The following UNC5D variants were observed in gnomAD, a reference collection of about 807,000 sequenced individuals.
UNC5D encodes netrin receptor UNC5D.
UNC5D carries 39 observed loss-of-function variants against 105.4 expected under a neutral mutation model. That is an observed-to-expected ratio of 0.37 (90% CI 0.29 to 0.48). The LOEUF (loss-of-function observed/expected upper bound fraction) is 0.48, where lower values mean the gene tolerates loss of function less well. UNC5D is among the 20% of genes least tolerant of loss of function. The probability of loss-of-function intolerance (pLI) is 0.98; values close to 1 mark genes in which losing one functional copy is unlikely to be tolerated. For missense variants in UNC5D, 991 were observed against 1,202.4 expected (o/e 0.82, Z 2.60); for synonymous variants, 452 against 450.4 (o/e 1.00, Z -0.04).
chr8:35,538,103 TAACC>T (rs1230603855), intron 1 of UNC5D, among the ~76,000 whole-genome samples: 1 of 152,016 alleles, frequency 6.6e-6, no homozygotes, highest in African/African-American at 2.4e-5. Context: ...AAGAGGAATG[TAACC>T]AACCTAGGAT....
At chr8:35,591,697 C>T (rs1487931221) in intron 3 of UNC5D, among the ~76,000 whole-genome samples, 1 of 152,008 alleles carries the variant, frequency 6.6e-6, no homozygotes, top group East Asian at 1.9e-4. Flanking sequence ...ATTTACTCAC[C>T]AGGTATTTAT....
intron 12 of UNC5D, 26 bp from the exon 13 acceptor site, chr8:35,750,556 G>C (rs372202353): frequency 1.2e-6 from 2 of 1,605,236 alleles, no homozygotes; most frequent in African/African-American, 2.7e-5. Context: ...TTCCAAGTGA[G>C]AGAATAAACA....
intron 4 of UNC5D, among the ~76,000 whole-genome samples, chr8:35,655,010 C>T (rs1010296959): frequency 3.3e-5 from 5 of 152,104 alleles, no homozygotes; most frequent in South Asian, 4.1e-4. Flanking sequence ...TGTACTAGGA[C>T]ATTGAACAGA....
intron 1 of UNC5D, among the ~76,000 whole-genome samples, chr8:35,328,532 CTTCTA>C (rs1810352572): frequency 6.6e-6 from 1 of 152,088 alleles, no homozygotes; most frequent in African/African-American, 2.4e-5. Context: ...CTCTTTTTGT[CTTCTA>C]ACTGTAATAA....
Position 35,773,094 on chromosome 8 carries a change from T to G in UNC5D, c.2479-1205T>G, listed in dbSNP as rs189523938. On this transcript the variant is annotated intron_variant, in intron 15 of 16. Transcript: ENST00000404895. ...TCTCTTAATTGAGTCAGTCAATTGA[T>G]TAGGGACATTAATTACATCAGCAGA... is the stretch of plus-strand genomic sequence containing the variant. Among the ~76,000 whole-genome samples, 315 of 152,326 alleles carry G rather than the reference T, an allele frequency of 2.1e-3. 3 individuals are homozygous for G. Among genetic ancestry groups the G allele is most frequent in the African/African-American group, 7.2e-3 (298 of 41,570 alleles).
At chr8:35,700,042 T>A (rs1252810596) in intron 7 of UNC5D, among the ~76,000 whole-genome samples, 1 of 152,236 alleles carries the variant, frequency 6.6e-6, no homozygotes, top group Non-Finnish European at 1.5e-5. Flanking sequence ...ATTGTCTCCC[T>A]GACATATTCC....
chr8:35,566,276 A>G (rs4739416), intron 2 of UNC5D, among the ~76,000 whole-genome samples: 36,184 of 152,082 alleles, frequency 0.24, 6,315 homozygotes, highest in African/African-American at 0.48. Flanking sequence ...ACACGTTATT[A>G]ATTGAGTGGA....
At chr8:35,447,580 T>C (rs1395708885) in intron 1 of UNC5D, among the ~76,000 whole-genome samples, 3 of 152,110 alleles carry the variant, frequency 2.0e-5, no homozygotes, top group Non-Finnish European at 2.9e-5. Context: ...ACTGTATTTC[T>C]AGGAGAAATT....
At chr8:35,592,474 G>C (rs141907697) in intron 3 of UNC5D, among the ~76,000 whole-genome samples, 21 of 152,274 alleles carry the variant, frequency 1.4e-4, no homozygotes, top group Non-Finnish European at 2.2e-4. Flanking sequence ...TGATTAAAGT[G>C]TTCAGATTGC....
intron 4 of UNC5D, among the ~76,000 whole-genome samples, chr8:35,662,186 C>CAA (rs10692805): frequency 0.18 from 19,239 of 108,506 alleles, 2,585 homozygotes; most frequent in African/African-American, 0.38. Context: ...CAAAAGCTTT[C>CAA]AAAAAAAAAA....
Position 35,707,625 on chromosome 8 carries a change from C to T in UNC5D, c.1117+1664C>T, listed in dbSNP as rs570412485. ...GGTGCATGCTGTCCACTGATTCTGT[C>T]ATATAGCACAAAAAAGATCATAGGT... On this transcript the variant is annotated intron_variant, in intron 8 of 16. Transcript: ENST00000404895. 1.2e-4 allele frequency among the ~76,000 whole-genome samples: 19 copies of T among 152,134 alleles called. 1 individual carries two copies. The highest frequency in any genetic ancestry group is 4.3e-4 in the African/African-American group (18 of 41,432).
At chr8:35,510,749 C>T (rs2130350192) in intron 1 of UNC5D, among the ~76,000 whole-genome samples, 1 of 152,256 alleles carries the variant, frequency 6.6e-6, no homozygotes, top group East Asian at 1.9e-4. Context: ...AAGCTTTCTA[C>T]ATTTTTTTGT....
chr8:35,626,708 C>T (rs566265476), intron 4 of UNC5D, among the ~76,000 whole-genome samples: 16 of 152,294 alleles, frequency 1.1e-4, no homozygotes, highest in South Asian at 6.2e-4. Context: ...CAGGCATCCG[C>T]GTGCTCTTGC....
intron 4 of UNC5D, among the ~76,000 whole-genome samples, chr8:35,598,361 G>A (rs531399040): frequency 6.6e-6 from 1 of 152,264 alleles, no homozygotes; most frequent in South Asian, 2.1e-4. Flanking sequence ...AAGCAGTGCT[G>A]CTCAAGGCTA....
At chr8:35,645,105 G>A (rs1329222520) in intron 4 of UNC5D, among the ~76,000 whole-genome samples, 5 of 152,108 alleles carry the variant, frequency 3.3e-5, no homozygotes, top group Non-Finnish European at 5.9e-5. Flanking sequence ...CACAGTGAGA[G>A]TTCACACACG....
intron 9 of UNC5D, among the ~76,000 whole-genome samples, chr8:35,725,148 C>T (rs1201942296): frequency 6.6e-6 from 1 of 152,126 alleles, no homozygotes; most frequent in Non-Finnish European, 1.5e-5. Flanking sequence ...AGAATTGCAA[C>T]ATTTTCAGAA....
At chr8:35,387,362 C>CAAAAAAAAA (rs745672033) in intron 1 of UNC5D, among the ~76,000 whole-genome samples, 1 of 114,126 alleles carries the variant, frequency 8.8e-6, no homozygotes, top group Non-Finnish European at 1.8e-5. Context: ...GACTCCATCT[C>CAAAAAAAAA]AAAAAAAAAA....
intron 1 of UNC5D, among the ~76,000 whole-genome samples, chr8:35,373,085 T>A (rs1395169370): frequency 1.3e-5 from 2 of 152,168 alleles, no homozygotes; most frequent in Non-Finnish European, 2.9e-5. Flanking sequence ...ATTGGCTAAC[T>A]TTGATATCCT....
intron 1 of UNC5D, among the ~76,000 whole-genome samples, chr8:35,397,805 A>C (rs1431796355): frequency 6.6e-6 from 1 of 151,722 alleles, no homozygotes; most frequent in African/African-American, 2.4e-5. Flanking sequence ...TTTAATCCAC[A>C]CTCCACCAAG....
Sources: allele counts gnomAD v4.1 joint callset (sites outside exome capture counted in the v4.1 genomes callset), GRCh38; gene constraint gnomAD v4.1.1; transcripts MANE v1.5; gene names NCBI Gene and HGNC (gene_info 2026-07-23, HGNC 2026-07-21).